Variants in CPA6 observed in about 807,000 individuals in gnomAD.
The protein encoded by CPA6 is carboxypeptidase A6.
CPA6 carries 58 observed loss-of-function variants against 63.3 expected under a neutral mutation model. The observed-to-expected ratio is 0.92, with a 90% confidence interval of 0.74 to 1.14. The LOEUF is 1.14. Ranked by LOEUF, CPA6 falls within the 50% of genes most tolerant of loss-of-function variation. CPA6 has a pLI of 0.00. For synonymous variants in CPA6, 185 were observed against 179.0 expected, an observed-to-expected ratio of 1.03 and a Z score of -0.27; for missense variants, 565 against 526.6, an observed-to-expected ratio of 1.07 and a Z score of -0.71.
At chr8:67,431,339 C>G (rs1483472348) in intron 9 of CPA6, among the ~76,000 whole-genome samples, 7 of 152,076 alleles carry the variant, frequency 4.6e-5, no homozygotes, top group Non-Finnish European at 1.0e-4. Flanking sequence ...CTCCCAGGTT[C>G]AAGTGATTCT....
At chr8:67,720,161 T>G (rs1587727120) in intron 1 of CPA6, among the ~76,000 whole-genome samples, 1 of 140,486 alleles carries the variant, frequency 7.1e-6, no homozygotes, top group Non-Finnish European at 1.5e-5. Flanking sequence ...CGGGCAGGAG[T>G]GGGGGTCGCA....
intron 1 of CPA6, among the ~76,000 whole-genome samples, chr8:67,703,931 TTTTG>T (rs1244239129): frequency 6.7e-6 from 1 of 149,786 alleles, no homozygotes; most frequent in Non-Finnish European, 1.5e-5. Flanking sequence ...GCTGCTTTTT[TTTTG>T]TTGTTGTTGT....
chr8:67,523,649 G>T (rs1812304621), intron 2 of CPA6, among the ~76,000 whole-genome samples: 1 of 152,214 alleles, frequency 6.6e-6, no homozygotes, highest in African/African-American at 2.4e-5. Context: ...ATTCCGCTGA[G>T]CACCAATGTC....
chr8:67,462,129 T>C (rs184503229), intron 8 of CPA6, among the ~76,000 whole-genome samples: 1,694 of 152,246 alleles, frequency 0.011, 29 homozygotes, highest in African/African-American at 0.038. Flanking sequence ...TATTTTTTTT[T>C]CCCCAGAAGC....
intron 4 of CPA6, among the ~76,000 whole-genome samples, chr8:67,510,210 GAA>G (rs1812014894): frequency 6.6e-6 from 1 of 152,072 alleles, no homozygotes; most frequent in African/African-American, 2.4e-5. Flanking sequence ...CTGTCATCAG[GAA>G]AAGATACATT....
intron 2 of CPA6, among the ~76,000 whole-genome samples, chr8:67,531,567 T>A (rs1812478700): frequency 6.6e-6 from 1 of 152,152 alleles, no homozygotes; most frequent in Non-Finnish European, 1.5e-5. Context: ...CGTATATACA[T>A]ATGTATGCTC....
At chr8:67,639,603 A>T (rs1815544541) in intron 1 of CPA6, among the ~76,000 whole-genome samples, 1 of 151,584 alleles carries the variant, frequency 6.6e-6, no homozygotes. Flanking sequence ...GGAACTGCAG[A>T]GCCCTAAAGA....
intron 6 of CPA6, among the ~76,000 whole-genome samples, chr8:67,485,529 T>C (rs758973205): frequency 1.2e-4 from 18 of 152,206 alleles, no homozygotes; most frequent in Admixed American, 4.6e-4. Flanking sequence ...CAATATATTT[T>C]TGATGTTTAT....
In CPA6 at chr8:67,729,254, C is replaced by T. The variant is rs111245821; in HGVS notation, c.116+16760G>A. On this transcript the variant is annotated intron_variant, in intron 1 of 10. Coordinates refer to ENST00000297770, the MANE Select transcript of CPA6 (RefSeq NM_020361.5). ...TAGCTCTGGCAATATTCTCTGTAAACCTGATAGAGCTTTGATGATATGTTA... is the reference window on the plus strand; with the variant it reads ...TAGCTCTGGCAATATTCTCTGTAAATCTGATAGAGCTTTGATGATATGTTA... Among the ~76,000 whole-genome samples the T allele has an allele frequency of 8.3e-3, 1,258 of 152,272 alleles. 15 individuals are homozygous for T. The highest frequency in any genetic ancestry group is 0.029 in the African/African-American group (1,204 of 41,538).
At chr8:67,524,234 T>C (rs917569810) in intron 2 of CPA6, among the ~76,000 whole-genome samples, 3 of 152,236 alleles carry the variant, frequency 2.0e-5, no homozygotes, top group Non-Finnish European at 2.9e-5. Context: ...TCTGCTTTCA[T>C]AGAATTTTTT....
Position 67,590,809 on chromosome 8 carries a change from C to T in CPA6, c.192+33367G>A, listed in dbSNP as rs549487595. On this transcript the variant is annotated intron_variant, in intron 2 of 10. Coordinates refer to ENST00000297770, the MANE Select transcript of CPA6 (RefSeq NM_020361.5). Reference sequence around the variant, plus strand: ...AGCCCTTTGTCAGATGAGTAGGTTGCGAAAATTTTCTCCCATTTTGTAGGT... The same window carrying T: ...AGCCCTTTGTCAGATGAGTAGGTTGTGAAAATTTTCTCCCATTTTGTAGGT... 7.2e-3 allele frequency among the ~76,000 whole-genome samples: 1,082 copies of T among 150,372 alleles called. 40 individuals are homozygous for T. The highest frequency in any genetic ancestry group is 4.7e-3 in the East Asian group (24 of 5,124).
chr8:67,651,058 G>T (rs1233911232), intron 1 of CPA6, among the ~76,000 whole-genome samples: 1 of 152,094 alleles, frequency 6.6e-6, no homozygotes, highest in Non-Finnish European at 1.5e-5. Context: ...TCAAAGAATT[G>T]TTGTAAGCTA....
intron 1 of CPA6, among the ~76,000 whole-genome samples, chr8:67,656,951 C>T (rs537449372): frequency 7.9e-5 from 12 of 152,246 alleles, no homozygotes; most frequent in African/African-American, 1.4e-4. Flanking sequence ...TGAGGCAGTA[C>T]GATGCCATTT....
intron 2 of CPA6, among the ~76,000 whole-genome samples, chr8:67,607,660 A>C (rs1310308895): frequency 6.6e-6 from 1 of 152,162 alleles, no homozygotes; most frequent in Non-Finnish European, 1.5e-5. Context: ...CTTTCCTTAG[A>C]GCTATAGGGT....
At chr8:67,735,080 T>C (rs1402537446) in intron 1 of CPA6, 4 of 152,222 alleles carry the variant, frequency 2.6e-5, no homozygotes, top group Non-Finnish European at 5.9e-5. Flanking sequence ...ATGACGTGTG[T>C]GTTAAGAAAA....
intron 8 of CPA6, among the ~76,000 whole-genome samples, chr8:67,479,641 G>T (rs1414683688): frequency 1.3e-5 from 2 of 152,164 alleles, no homozygotes; most frequent in East Asian, 3.9e-4. Flanking sequence ...AAGTTTAATT[G>T]CAATCCGCTA....
intron 1 of CPA6, among the ~76,000 whole-genome samples, chr8:67,669,656 A>G (rs555301962): frequency 6.6e-6 from 1 of 152,332 alleles, no homozygotes; most frequent in Non-Finnish European, 1.5e-5. Context: ...ATGAAGGTCT[A>G]TACTTTCCTA....
At chr8:67,510,914 C>A (rs1812030352) in intron 4 of CPA6, among the ~76,000 whole-genome samples, 1 of 152,166 alleles carries the variant, frequency 6.6e-6, no homozygotes, top group African/African-American at 2.4e-5. Flanking sequence ...GCTATGGGGG[C>A]ATGTAATTCA....
At chr8:67,551,038 G>A (rs539262419) in intron 2 of CPA6, among the ~76,000 whole-genome samples, 1 of 151,992 alleles carries the variant, frequency 6.6e-6, no homozygotes, top group African/African-American at 2.4e-5. Flanking sequence ...TCTTTATTTA[G>A]GTTCCACTTG....
Sources: gnomAD v4.1 joint callset for allele counts (sites outside exome capture counted in the v4.1 genomes callset) on GRCh38, gnomAD v4.1.1 for gene constraint, MANE v1.5 for transcripts, NCBI Gene and HGNC (gene_info 2026-07-23, HGNC 2026-07-21) for gene names.